CSMD3: variants seen among roughly 807,000 people sequenced by gnomAD.
CSMD3 encodes the protein CUB and sushi domain-containing protein 3.
In CSMD3, 177 loss-of-function variants were observed where a neutral mutation model predicts 435.2. The ratio of observed to expected loss-of-function variants is 0.41; its 90% confidence interval spans 0.36 to 0.46. The LOEUF (loss-of-function observed/expected upper bound fraction) is 0.46, where lower values mean the gene tolerates loss of function less well. CSMD3 is among the 20% of genes least tolerant of loss of function. The probability of loss-of-function intolerance (pLI) is 0.34; values close to 1 mark genes in which losing one functional copy is unlikely to be tolerated. For synonymous variants in CSMD3, 1,656 were observed against 1,520.5 expected (o/e 1.09, Z -2.07); for missense variants, 4,265 against 4,504.6 (o/e 0.95, Z 1.52).
intron 3 of CSMD3, among the ~76,000 whole-genome samples, chr8:113,185,617 T>G (rs779086391): frequency 6.6e-6 from 1 of 152,080 alleles, no homozygotes; most frequent in Non-Finnish European, 1.5e-5. Context: ...AAACTTTCTC[T>G]GAGGAGGATA....
At chr8:112,801,963 A>G (rs188046937) in intron 12 of CSMD3, among the ~76,000 whole-genome samples, 7 of 152,108 alleles carry the variant, frequency 4.6e-5, no homozygotes, top group African/African-American at 1.7e-4. Flanking sequence ...CTGTTCTATT[A>G]TCCTGAAACT....
chr8:112,904,882 A>C (rs781185093), intron 10 of CSMD3, among the ~76,000 whole-genome samples: 6 of 151,442 alleles, frequency 4.0e-5, no homozygotes, highest in Non-Finnish European at 7.4e-5. Context: ...CTGCCTCTCT[A>C]AAGTAGACAC....
intron 5 of CSMD3, among the ~76,000 whole-genome samples, chr8:113,074,786 T>G (rs1460297825): frequency 6.6e-6 from 1 of 151,800 alleles, no homozygotes; most frequent in Non-Finnish European, 1.5e-5. Flanking sequence ...CATTATACAT[T>G]TGTACCCTCT....
At chr8:112,760,912 G>A (rs1048102995) in intron 13 of CSMD3, among the ~76,000 whole-genome samples, 20 of 152,106 alleles carry the variant, frequency 1.3e-4, no homozygotes, top group African/African-American at 4.3e-4. Flanking sequence ...TCTTTTTAAA[G>A]TCATAGTAAA....
intron 22 of CSMD3, among the ~76,000 whole-genome samples, chr8:112,609,527 T>A (rs533937251): frequency 1.3e-5 from 2 of 152,234 alleles, no homozygotes; most frequent in South Asian, 4.1e-4. Context: ...AATGTTGGCA[T>A]GGATATGGAG....
At chr8:112,439,961 T>C (rs1222016577) in intron 32 of CSMD3, among the ~76,000 whole-genome samples, 4 of 152,074 alleles carry the variant, frequency 2.6e-5, no homozygotes, top group Non-Finnish European at 4.4e-5. Flanking sequence ...AGTCTGACCC[T>C]GGCCCCTCCC....
chr8:112,984,370 T>A (rs1279778103), intron 6 of CSMD3, among the ~76,000 whole-genome samples: 1 of 152,198 alleles, frequency 6.6e-6, no homozygotes, highest in East Asian at 1.9e-4. Flanking sequence ...ATCATTTATA[T>A]TTGACTTCAA....
At chr8:112,704,805 A>G (rs1251004959) in intron 13 of CSMD3, among the ~76,000 whole-genome samples, 1 of 152,126 alleles carries the variant, frequency 6.6e-6, no homozygotes, top group Non-Finnish European at 1.5e-5. Context: ...GTAGTAATAT[A>G]TTTCCTGAAA....
At chr8:112,983,500 A>G (rs1280910341) in intron 6 of CSMD3, among the ~76,000 whole-genome samples, 1 of 150,968 alleles carries the variant, frequency 6.6e-6, no homozygotes. Flanking sequence ...AGAATTAAGT[A>G]TTGCCCAAAA....
rs1055258423 is a variant in CSMD3 at position 112,289,438 on chromosome 8, A to C, written c.9075T>G (p.Arg3025=). The C allele has an allele frequency of 4.3e-6, 7 of 1,613,428 alleles. No homozygotes were observed. The highest frequency in any genetic ancestry group is 5.9e-6 in the Non-Finnish European group (7 of 1,179,564). ...TTCTTGATGACTGGCCTAAAAGGGA[A>C]CGCTTTCCTGTGCAGGAATAGTGAA... The part of the protein sequence containing the change: ...STVHYSCTGK[R]SLLGQSSRTC... Residue 3025 remains arginine, a synonymous_variant, in exon 57 of 71, where the codon CGT becomes CGG. Coordinates refer to ENST00000297405, the MANE Select transcript of CSMD3 (RefSeq NM_198123.2).
At chr8:113,337,881 G>T (rs1484322105) in intron 1 of CSMD3, among the ~76,000 whole-genome samples, 1 of 151,822 alleles carries the variant, frequency 6.6e-6, no homozygotes, top group African/African-American at 2.4e-5. Context: ...CTAAGGTAAT[G>T]CATATGTTAA....
intron 34 of CSMD3, among the ~76,000 whole-genome samples, chr8:112,407,011 T>G (rs921851567): frequency 6.6e-6 from 1 of 152,036 alleles, no homozygotes; most frequent in Admixed American, 6.6e-5. Flanking sequence ...TACAAAATAG[T>G]TTTAGTTAGA....
intron 6 of CSMD3, among the ~76,000 whole-genome samples, chr8:113,009,668 T>G (rs184311513): frequency 6.6e-6 from 1 of 151,844 alleles, no homozygotes; most frequent in East Asian, 1.9e-4. Flanking sequence ...GGAGGGAGGA[T>G]ATTATCCAAT....
At chr8:113,149,845 C>T (rs990163079) in intron 4 of CSMD3, among the ~76,000 whole-genome samples, 7 of 151,928 alleles carry the variant, frequency 4.6e-5, no homozygotes, top group African/African-American at 1.7e-4. Flanking sequence ...ATAGCAAATG[C>T]ATGCCATCAA....
intron 3 of CSMD3, among the ~76,000 whole-genome samples, chr8:113,221,239 T>C (rs1340127019): frequency 1.3e-5 from 2 of 151,252 alleles, no homozygotes; most frequent in Non-Finnish European, 3.0e-5. Context: ...AACTGTACTC[T>C]GATAATGTAC....
At chr8:112,744,839 G>A (rs1361555184) in intron 13 of CSMD3, among the ~76,000 whole-genome samples, 2 of 152,116 alleles carry the variant, frequency 1.3e-5, no homozygotes, top group African/African-American at 4.8e-5. Context: ...TGTGTTGCAG[G>A]TAACCTGTGC....
intron 30 of CSMD3, among the ~76,000 whole-genome samples, chr8:112,501,202 T>C (rs1221264471): frequency 6.6e-6 from 1 of 151,946 alleles, no homozygotes; most frequent in Non-Finnish European, 1.5e-5. Flanking sequence ...CCTGGGCATT[T>C]ACCTCAGACA....
intron 4 of CSMD3, among the ~76,000 whole-genome samples, chr8:113,167,725 CT>C (rs1486058552): frequency 1.3e-5 from 2 of 152,150 alleles, no homozygotes; most frequent in Non-Finnish European, 1.5e-5. Flanking sequence ...TGTTAGCAGG[CT>C]TTGAGCTGAT....
intron 3 of CSMD3, among the ~76,000 whole-genome samples, chr8:113,240,198 T>C (rs2093198336): frequency 6.6e-6 from 1 of 152,200 alleles, no homozygotes; most frequent in African/African-American, 2.4e-5. Context: ...CTTTTGGTTT[T>C]ATTGCTTCAT....
Sources: gnomAD v4.1 joint callset for allele counts (sites outside exome capture counted in the v4.1 genomes callset) on GRCh38, gnomAD v4.1.1 for gene constraint, MANE v1.5 for transcripts, NCBI Gene and HGNC (gene_info 2026-07-23, HGNC 2026-07-21) for gene names.